Variants in PTDSS1 observed in about 807,000 individuals in gnomAD.
The protein encoded by PTDSS1 is PSS-1.
A neutral mutation model predicts 70.5 loss-of-function variants in PTDSS1; 45 were observed. The ratio of observed to expected loss-of-function variants is 0.64; its 90% CI spans 0.50 to 0.82. The LOEUF is 0.82. Ranked by LOEUF, PTDSS1 falls within the 40% of genes least tolerant of loss-of-function variation. PTDSS1 has a pLI of 0.00. For synonymous variants in PTDSS1, 188 were observed against 203.8 expected (o/e 0.92, Z 0.66); for missense variants, 417 against 586.1 (o/e 0.71, Z 2.98).
chr8:96,262,278 A>AGGGT lies in PTDSS1; in HGVS notation c.179+62_179+65dup. On this transcript the variant is annotated intron_variant, in intron 1 of 12. Coordinates refer to ENST00000517309, the MANE Select transcript of PTDSS1 (RefSeq NM_014754.3). This position sits in a 1 kb window ranked among gnomAD's most constrained non-coding sequence, Gnocchi z 4.4. ...AAGGGCTAGGGAAGAGGCGGGAGGGAGGGTGGCGGGGAGGGGGGCCCGGCA... is the reference window on the plus strand; with the variant it reads ...AAGGGCTAGGGAAGAGGCGGGAGGGAGGGTGGGTGGCGGGGAGGGGGGCCCGGCA... 8 of 268,998 alleles carry AGGGT rather than the reference A, an allele frequency of 3.0e-5. No homozygotes were observed. The highest frequency in any genetic ancestry group is 1.1e-4 in the East Asian group (1 of 9,494). 16.7% of individuals were successfully genotyped at this position (268,998 alleles called of 1,614,324 possible).
At chr8:96,317,747 C>CA (rs1213278696) in intron 9 of PTDSS1, among the ~76,000 whole-genome samples, 1 of 127,434 alleles carries the variant, frequency 7.8e-6, no homozygotes, top group Non-Finnish European at 1.8e-5. Flanking sequence ...AAAATTAAAA[C>CA]AAAAAAACAG....
At chr8:96,273,111 G>A (rs1810589227) in intron 1 of PTDSS1, among the ~76,000 whole-genome samples, 188 bp from the exon 2 acceptor site, 1 of 152,166 alleles carries the variant, frequency 6.6e-6, no homozygotes, top group Admixed American at 6.5e-5. Context: ...GTTTGTTAGT[G>A]CCGTTTGGAC....
intron 10 of PTDSS1, among the ~76,000 whole-genome samples, chr8:96,324,285 A>G (rs73698570): frequency 0.015 from 2,235 of 152,276 alleles, 54 homozygotes; most frequent in African/African-American, 0.051. Flanking sequence ...CTCCCTTTAC[A>G]GCAATACAGG....
intron 3 of PTDSS1, 61 bp downstream of exon 3, chr8:96,284,214 C>T: frequency 6.9e-7 from 1 of 1,450,382 alleles, no homozygotes; most frequent in Non-Finnish European, 9.5e-7. Flanking sequence ...TTCTGCTTAT[C>T]ACTTTAAGAC....
rs1309432384 is a variant in PTDSS1 at position 96,334,476 on chromosome 8, A to T, written c.*910A>T. 1 of 152,610 alleles carries T rather than the reference A, an allele frequency of 6.6e-6. No homozygotes were observed. The highest frequency in any genetic ancestry group is 1.5e-5 in the Non-Finnish European group (1 of 68,046). The allele number at this position is 152,610 out of a possible 1,614,324, so 9.5% of individuals were successfully genotyped here. A position where few individuals can be genotyped will look rare whatever the true frequency, so the allele number is the denominator to read the frequency against. ...CCTTTCATCTGTGCCATGCTCTAGA[A>T]CCTTGACCTTGATAGTTCACCACCT... On this transcript the variant is annotated 3_prime_UTR_variant, in exon 13 of 13. Transcript: ENST00000517309.
intron 2 of PTDSS1, among the ~76,000 whole-genome samples, chr8:96,279,080 T>A (rs562290014): frequency 8.4e-4 from 127 of 151,534 alleles, no homozygotes; most frequent in Middle Eastern, 3.4e-3. Flanking sequence ...AAGCGATTCT[T>A]GTGCCTCAGC....
chr8:96,312,482 A>G (rs1017943856), intron 9 of PTDSS1, among the ~76,000 whole-genome samples: 1 of 151,634 alleles, frequency 6.6e-6, no homozygotes, highest in Non-Finnish European at 1.5e-5. Context: ...TTTTTTAAAA[A>G]AAAAAGGAAA....
At chr8:96,325,061 C>T (rs1284020993) in intron 10 of PTDSS1, among the ~76,000 whole-genome samples, 2 of 152,212 alleles carry the variant, frequency 1.3e-5, no homozygotes, top group Non-Finnish European at 2.9e-5. Flanking sequence ...ATAAGATTTA[C>T]TGGTGCCTAC....
At chr8:96,333,383 A>G in intron 12 of PTDSS1, 74 bp from the exon 13 acceptor site, 2 of 1,341,360 alleles carry the variant, frequency 1.5e-6, no homozygotes, top group Non-Finnish European at 2.1e-6. Context: ...CGGCAAGCCT[A>G]GGGCGGTCTG....
intron 1 of PTDSS1, among the ~76,000 whole-genome samples, chr8:96,271,073 T>C: frequency 6.6e-6 from 1 of 152,234 alleles, no homozygotes; most frequent in East Asian, 1.9e-4. Flanking sequence ...AAGAGAATGA[T>C]GTATTCACGT....
At chr8:96,306,228 AC>A (rs1365876693) in intron 7 of PTDSS1, among the ~76,000 whole-genome samples, 1 of 151,938 alleles carries the variant, frequency 6.6e-6, no homozygotes, top group East Asian at 1.9e-4. Context: ...CCCATCCACC[AC>A]CCCTGCCACC....
intron 9 of PTDSS1, among the ~76,000 whole-genome samples, chr8:96,318,123 G>C (rs1260597206): frequency 6.6e-6 from 1 of 151,942 alleles, no homozygotes; most frequent in African/African-American, 2.4e-5. Flanking sequence ...TGAGGAGTTG[G>C]TGACCAGCCT....
chr8:96,330,874 G>A (rs1234494196), intron 11 of PTDSS1, 152 bp from the exon 12 acceptor site: 16 of 610,762 alleles, frequency 2.6e-5, no homozygotes, highest in Non-Finnish European at 4.6e-5. Context: ...TGTTTTTATA[G>A]CAGAGAAATA....
rs915359569 is a variant in PTDSS1, at chr8:96,262,407, C to T, written c.179+188C>T. On this transcript the variant is annotated intron_variant, in intron 1 of 12. Transcript: ENST00000517309. The surrounding 1 kb of genome is among the most constrained non-coding windows in gnomAD (Gnocchi z 4.4). Reference sequence around the variant, plus strand: ...GCCCGGTGTCTCACAGTACGCTAGCCTGCTCCCCTACCCCTCAGTGCCCCT... The same window carrying T: ...GCCCGGTGTCTCACAGTACGCTAGCTTGCTCCCCTACCCCTCAGTGCCCCT... 6.6e-6 allele frequency among the ~76,000 whole-genome samples: 1 copy of T among 152,214 alleles called. No individual in the cohort carries two copies. The highest frequency in any genetic ancestry group is 1.5e-5 in the Non-Finnish European group (1 of 68,028).
At chr8:96,325,580 G>C (rs1321692657) in intron 10 of PTDSS1, among the ~76,000 whole-genome samples, 1 of 152,134 alleles carries the variant, frequency 6.6e-6, no homozygotes, top group Non-Finnish European at 1.5e-5. Context: ...TGACAATGCA[G>C]CTCAACTCCA....
In PTDSS1 at chr8:96,306,508, G is replaced by A. The variant is rs1203131518; in HGVS notation, c.959G>A (p.Ser320Asn). 3.7e-6 allele frequency: 6 copies of A among 1,614,086 alleles called. No homozygotes were observed. The highest frequency in any genetic ancestry group is 5.1e-6 in the Non-Finnish European group (6 of 1,179,988). ...GTGTTCCAAGCCAGTCATCCATTAAGTTGGGGTAGAATTCTCTTTATTGGT... is the reference window on the plus strand; with the variant it reads ...GTGTTCCAAGCCAGTCATCCATTAAATTGGGGTAGAATTCTCTTTATTGGT... ...IFVFQASHPLSWGRILFIGGI... is the reference protein window; with the variant it reads ...IFVFQASHPLNWGRILFIGGI... The change falls in exon 8 of 13, where the codon AGT (serine) becomes AAT (asparagine). Residue 320 changes from serine (S) to asparagine (N), a missense_variant. Ser to Asn is a conservative substitution (Grantham distance 46). Coordinates refer to ENST00000517309, the MANE Select transcript of PTDSS1 (RefSeq NM_014754.3).
chr8:96,301,796 G>A (rs1298608977), intron 6 of PTDSS1, among the ~76,000 whole-genome samples: 3 of 151,662 alleles, frequency 2.0e-5, no homozygotes, highest in South Asian at 2.1e-4. Flanking sequence ...GATTACAGGC[G>A]TGAGCACCGT....
chr8:96,299,908 GTAGGAA>G (rs1407206413), intron 6 of PTDSS1, 63 bp downstream of exon 6: 1 of 1,515,076 alleles, frequency 6.6e-7, no homozygotes. Flanking sequence ...AATTGTTTTG[GTAGGAA>G]TCCATTTTAG....
At chr8:96,270,385 C>T (rs1446623745) in intron 1 of PTDSS1, among the ~76,000 whole-genome samples, 1 of 152,120 alleles carries the variant, frequency 6.6e-6, no homozygotes, top group Non-Finnish European at 1.5e-5. Flanking sequence ...CTGGATTATT[C>T]GGGGTTCAGA....
Sources: allele counts gnomAD v4.1 joint callset (sites outside exome capture counted in the v4.1 genomes callset), GRCh38; gene constraint gnomAD v4.1.1; non-coding constraint Gnocchi (gnomAD v3.1); transcripts MANE v1.5; gene names NCBI Gene and HGNC (gene_info 2026-07-23, HGNC 2026-07-21).